The following FARP1 variants were observed in gnomAD, a reference collection of about 807,000 sequenced individuals.
The protein encoded by FARP1 is FERM, ARH/RhoGEF and pleckstrin domain protein 1, also known as FERM, ARHGEF and pleckstrin domain-containing protein 1.
FARP1 carries 52 observed loss-of-function variants against 128.8 expected under a neutral mutation model. The ratio of observed to expected loss-of-function variants is 0.40; its 90% CI spans 0.32 to 0.51. The LOEUF (loss-of-function observed/expected upper bound fraction) is 0.51. Ranked by LOEUF, FARP1 falls within the 20% of genes least tolerant of loss-of-function variation. FARP1 has a pLI of 0.45. For synonymous variants in FARP1, 580 were observed against 551.8 expected (o/e 1.05, Z -0.72); for missense variants, 1,333 against 1,367.9 (o/e 0.97, Z 0.40).
At chr13:98,239,694 C>T (rs1329146258) in intron 2 of FARP1, among the ~76,000 whole-genome samples, 1 of 151,946 alleles carries the variant, frequency 6.6e-6, no homozygotes, top group Non-Finnish European at 1.5e-5. Flanking sequence ...GGGTTTCTGG[C>T]TGGGCCACTG....
At chr13:98,297,330 T>A (rs1349204861) in intron 2 of FARP1, among the ~76,000 whole-genome samples, 1 of 152,218 alleles carries the variant, frequency 6.6e-6, no homozygotes, top group African/African-American at 2.4e-5. Context: ...CTTACCTCTC[T>A]CGAAGCCATC....
At chr13:98,274,532 G>C (rs1463007009) in intron 2 of FARP1, among the ~76,000 whole-genome samples, 1 of 152,052 alleles carries the variant, frequency 6.6e-6, no homozygotes, top group Non-Finnish European at 1.5e-5. Flanking sequence ...GCAAAAATCA[G>C]GGATTGAAAG....
intron 9 of FARP1, 136 bp downstream of exon 9, chr13:98,388,614 C>G: frequency 1.5e-6 from 1 of 668,048 alleles, no homozygotes; most frequent in East Asian, 2.7e-5. Context: ...TCCACATGAA[C>G]GCCGAGCGTC....
At chr13:98,350,120 G>A (rs1016478109) in intron 3 of FARP1, among the ~76,000 whole-genome samples, 5 of 152,176 alleles carry the variant, frequency 3.3e-5, no homozygotes, top group Admixed American at 3.3e-4. Flanking sequence ...ACAGCGGCTC[G>A]GTCACCTCGC....
At chr13:98,382,150 C>A (rs1441494961) in intron 6 of FARP1, 1 of 152,114 alleles carries the variant, frequency 6.6e-6, no homozygotes, top group African/African-American at 2.4e-5. Flanking sequence ...TCACTTGAAC[C>A]CTGAAGTCAA....
At chr13:98,202,968 C>T (rs1205822148) in intron 1 of FARP1, among the ~76,000 whole-genome samples, 1 of 152,194 alleles carries the variant, frequency 6.6e-6, no homozygotes, top group Admixed American at 6.5e-5. Context: ...GATCCTCCTG[C>T]CTCAGCCTCC....
intron 2 of FARP1, among the ~76,000 whole-genome samples, chr13:98,255,112 C>T (rs78654645): frequency 1.1e-4 from 17 of 151,942 alleles, no homozygotes; most frequent in African/African-American, 4.1e-4. Context: ...TTTTTAGGGC[C>T]CCTTTGGCCA....
At chr13:98,151,373 G>T (rs1280228136) in intron 1 of FARP1, among the ~76,000 whole-genome samples, 1 of 152,114 alleles carries the variant, frequency 6.6e-6, no homozygotes, top group East Asian at 1.9e-4. Flanking sequence ...TGGAGAGGGG[G>T]ACATTAGTTT....
Position 98,381,882 on chromosome 13 carries a change from G to A in FARP1, c.497-2848G>A, listed in dbSNP as rs187193491. Among the ~76,000 whole-genome samples the A allele has an allele frequency of 3.0e-3, 452 of 152,266 alleles. 3 individuals are homozygous for A. The highest frequency in any genetic ancestry group is 0.01 in the African/African-American group (436 of 41,556). On this transcript the variant is annotated intron_variant, in intron 6 of 26. Coordinates refer to ENST00000319562, the MANE Select transcript of FARP1 (RefSeq NM_005766.4). ...AAAAATAGGAAGTCAGCTGGGTGCG[G>A]TGGCTCATGTCTGTAATCCCAGCGC... is the stretch of plus-strand genomic sequence containing the variant.
At position 98,316,057 on chromosome 13, in the gene FARP1, G is replaced by A. The variant is rs76288344; in HGVS notation, c.172-27705G>A. On this transcript the variant is annotated intron_variant, in intron 2 of 26. Transcript: ENST00000319562. ...TGCGGAGGAATCTGTCACATGAGAC[G>A]GTTTCGGCTGGAGTATGTCAACCCT... Among the ~76,000 whole-genome samples the A allele has an allele frequency of 3.4e-3, 524 of 152,278 alleles. 3 individuals carry two copies. The highest frequency in any genetic ancestry group is 0.012 in the African/African-American group (487 of 41,558).
intron 3 of FARP1, among the ~76,000 whole-genome samples, chr13:98,347,099 G>A (rs961188151): frequency 1.3e-5 from 2 of 152,200 alleles, no homozygotes; most frequent in African/African-American, 2.4e-5. Context: ...CTCACCTTGT[G>A]AGAATCGTAA....
intron 2 of FARP1, among the ~76,000 whole-genome samples, chr13:98,299,314 C>T (rs1885827746): frequency 1.3e-5 from 2 of 152,148 alleles, no homozygotes; most frequent in Non-Finnish European, 2.9e-5. Context: ...TCTCTATCCT[C>T]ACACCCTCTC....
chr13:98,440,963 G>A (rs1892499911), intron 24 of FARP1, 127 bp downstream of exon 24: 5 of 922,456 alleles, frequency 5.4e-6, no homozygotes, highest in African/African-American at 1.7e-5. Context: ...CGCGGTGGCT[G>A]AGCAGGGAAG....
chr13:98,304,808 A>G (rs1886070568), intron 2 of FARP1, among the ~76,000 whole-genome samples: 1 of 152,244 alleles, frequency 6.6e-6, no homozygotes, highest in South Asian at 2.1e-4. Flanking sequence ...TGAGCTGGGC[A>G]TAAATTCATG....
chr13:98,423,854 C>T (rs969141551), intron 16 of FARP1, among the ~76,000 whole-genome samples: 4 of 152,198 alleles, frequency 2.6e-5, no homozygotes, highest in Admixed American at 2.0e-4. Flanking sequence ...TTTCTCTCTG[C>T]GTTGATCCGT....
Position 98,200,398 on chromosome 13 carries a change from C to G in FARP1, c.-23-12822C>G, listed in dbSNP as rs199965291. On this transcript the variant is annotated intron_variant, in intron 1 of 26. Coordinates refer to ENST00000319562, the MANE Select transcript of FARP1 (RefSeq NM_005766.4). Reference sequence around the variant, plus strand: ...GGAATGCAACCTTCACCCCCCCCCCCTCCCCTTTGTGATTCAGTGGGGCTG... The same window carrying G: ...GGAATGCAACCTTCACCCCCCCCCCGTCCCCTTTGTGATTCAGTGGGGCTG... Among the ~76,000 whole-genome samples, 35 of 144,062 alleles carry G rather than the reference C, an allele frequency of 2.4e-4. 1 individual carries two copies. The East Asian group carries it at 6.2e-3, about 26-fold the overall frequency. The allele number at this position is 144,062 out of a possible 152,430, so 94.5% of individuals were successfully genotyped here.
intron 2 of FARP1, among the ~76,000 whole-genome samples, chr13:98,326,543 G>A (rs574414081): frequency 6.0e-4 from 91 of 151,990 alleles, no homozygotes; most frequent in Admixed American, 3.9e-3. Flanking sequence ...TTTTCCACAC[G>A]TGCTGGTTCC....
At chr13:98,152,276 C>T (rs953985449) in intron 1 of FARP1, among the ~76,000 whole-genome samples, 3 of 152,202 alleles carry the variant, frequency 2.0e-5, no homozygotes, top group African/African-American at 7.2e-5. Flanking sequence ...ATGGCAGTTG[C>T]AGCTCCAAGC....
At chr13:98,183,367 A>G (rs570015692) in intron 1 of FARP1, among the ~76,000 whole-genome samples, 121 of 152,190 alleles carry the variant, frequency 8.0e-4, no homozygotes, top group Middle Eastern at 6.8e-3. Context: ...GGAACTTCAT[A>G]TCTAGTCTCT....
Sources: gnomAD v4.1 joint callset for allele counts (sites outside exome capture counted in the v4.1 genomes callset) on GRCh38, gnomAD v4.1.1 for gene constraint, MANE v1.5 for transcripts, NCBI Gene and HGNC (gene_info 2026-07-23, HGNC 2026-07-21) for gene names.